DAW1: variants seen among roughly 807,000 people sequenced by gnomAD.
The protein encoded by DAW1 is dynein assembly factor with WD repeat domains 1.
DAW1 carries 47 observed loss-of-function variants against 56.5 expected under a neutral mutation model. The observed-to-expected ratio is 0.83, with a 90% CI of 0.66 to 1.06. The LOEUF is 1.06. DAW1 is among the 50% of genes least tolerant of loss of function. The probability of loss-of-function intolerance (pLI) is 0.00; values close to 1 mark genes in which losing one functional copy is unlikely to be tolerated. For missense variants in DAW1, 505 were observed against 499.3 expected (o/e 1.01, Z -0.11); for synonymous variants, 190 against 179.0 (o/e 1.06, Z -0.49).
intron 10 of DAW1, among the ~76,000 whole-genome samples, chr2:227,915,370 A>T (rs1213609939): frequency 6.6e-6 from 1 of 152,072 alleles, no homozygotes; most frequent in African/African-American, 2.4e-5. Context: ...TCATCAACTT[A>T]AGTACTATGT....
intron 5 of DAW1, among the ~76,000 whole-genome samples, chr2:227,894,128 G>C (rs528044949): frequency 2.6e-5 from 4 of 152,126 alleles, no homozygotes; most frequent in African/African-American, 9.7e-5. Flanking sequence ...AAGGCTGGGC[G>C]TGGTGGCTCA....
chr2:227,906,489 G>A, intron 9 of DAW1, 151 bp downstream of exon 9: 1 of 629,770 alleles, frequency 1.6e-6, no homozygotes, highest in Non-Finnish European at 2.3e-6. Flanking sequence ...AAAATTTCTA[G>A]TTTTGGATTT....
chr2:227,895,338 G>A (rs1405648904), intron 5 of DAW1, among the ~76,000 whole-genome samples: 1 of 152,168 alleles, frequency 6.6e-6, no homozygotes, highest in Non-Finnish European at 1.5e-5. Context: ...AGACAAGCAA[G>A]TATTTTTTCA....
At chr2:227,916,890 C>T (rs1691963340) in intron 10 of DAW1, among the ~76,000 whole-genome samples, 3 of 151,954 alleles carry the variant, frequency 2.0e-5, no homozygotes, top group Admixed American at 2.0e-4. Flanking sequence ...TCTGGATCAT[C>T]TTATTGATGA....
At chr2:227,893,238 C>A (rs1691315303) in intron 4 of DAW1, among the ~76,000 whole-genome samples, 1 of 150,974 alleles carries the variant, frequency 6.6e-6, no homozygotes. Context: ...CCACTGCACT[C>A]CAGCCTGGGT....
At chr2:227,904,076 C>T (rs1035439347) in intron 7 of DAW1, among the ~76,000 whole-genome samples, 16 of 151,836 alleles carry the variant, frequency 1.1e-4, no homozygotes, top group African/African-American at 3.9e-4. Flanking sequence ...ACTAAAATGA[C>T]TCCTTTTACA....
chr2:227,881,905 G>A (rs1334728769), intron 1 of DAW1, among the ~76,000 whole-genome samples: 1 of 151,800 alleles, frequency 6.6e-6, no homozygotes, highest in African/African-American at 2.4e-5. Flanking sequence ...GGTGCCTGCC[G>A]TCATGCCAGC....
At chr2:227,916,963 C>A (rs1166044293) in intron 10 of DAW1, among the ~76,000 whole-genome samples, 1 of 152,162 alleles carries the variant, frequency 6.6e-6, no homozygotes, top group Non-Finnish European at 1.5e-5. Flanking sequence ...TCTGTATAAT[C>A]TCCTTGTCAG....
chr2:227,915,090 G>T lies in DAW1; in HGVS notation c.974-3690G>T, dbSNP rs193237089. Among the ~76,000 whole-genome samples, 432 of 152,012 alleles carry T rather than the reference G, an allele frequency of 2.8e-3. 1 individual carries two copies. Among genetic ancestry groups the T allele is most frequent in the Middle Eastern group, 6.8e-3 (2 of 294 alleles). ...ATCATACCCTTGACAAAAACATATG[G>T]TGCCACACTCTGTCTGCATCATAAT... On this transcript the variant is annotated intron_variant, in intron 10 of 12. Transcript: ENST00000309931.
At chr2:227,873,853 G>A (rs963720874) in intron 1 of DAW1, among the ~76,000 whole-genome samples, 2 of 152,066 alleles carry the variant, frequency 1.3e-5, no homozygotes, top group African/African-American at 4.8e-5. Context: ...GCTAATTTTT[G>A]TATTTTTAGC....
chr2:227,922,880 G>T lies in DAW1; in HGVS notation c.1214-1054G>T, dbSNP rs189692392. Among the ~76,000 whole-genome samples, 7 of 152,292 alleles carry T rather than the reference G, an allele frequency of 4.6e-5. 1 individual carries two copies. In the East Asian group the frequency reaches 1.4e-3, roughly 29 times the overall value. ...AATCCTTCTCCTTGATGAGAAAAGA[G>T]GTGAGGGGCTATGATGGAGGGCACA... On this transcript the variant is annotated intron_variant, in intron 12 of 12. Coordinates refer to ENST00000309931, the MANE Select transcript of DAW1 (RefSeq NM_178821.3).
At chr2:227,877,193 T>G (rs1690901755) in intron 1 of DAW1, among the ~76,000 whole-genome samples, 1 of 152,252 alleles carries the variant, frequency 6.6e-6, no homozygotes, top group Non-Finnish European at 1.5e-5. Context: ...TTATTTTTAT[T>G]TTTGAGACAT....
chr2:227,875,368 C>G (rs1423425360), intron 1 of DAW1, among the ~76,000 whole-genome samples: 1 of 152,178 alleles, frequency 6.6e-6, no homozygotes, highest in Non-Finnish European at 1.5e-5. Context: ...CTCTTCTGCT[C>G]CAGCCCTCCA....
chr2:227,901,846 A>T (rs536541432), intron 6 of DAW1, among the ~76,000 whole-genome samples: 1 of 152,168 alleles, frequency 6.6e-6, no homozygotes, highest in African/African-American at 2.4e-5. Context: ...AAACATATTT[A>T]CAGGCCACTG....
chr2:227,890,524 C>T (rs1691238111), intron 3 of DAW1, among the ~76,000 whole-genome samples: 1 of 151,962 alleles, frequency 6.6e-6, no homozygotes, highest in Admixed American at 6.6e-5. Context: ...TTTGTCATTA[C>T]CTTAGAATTA....
chr2:227,913,123 A>C (rs1691869879), intron 10 of DAW1, among the ~76,000 whole-genome samples: 1 of 152,206 alleles, frequency 6.6e-6, no homozygotes, highest in South Asian at 2.1e-4. Flanking sequence ...TAACAAAGTG[A>C]CATGCAATTT....
intron 8 of DAW1, among the ~76,000 whole-genome samples, chr2:227,905,808 G>A (rs868744092): frequency 6.6e-6 from 1 of 152,250 alleles, no homozygotes; most frequent in Non-Finnish European, 1.5e-5. Flanking sequence ...AGGCTGGAGT[G>A]CAGTGGCGTG....
At chr2:227,917,146 G>A (rs12467907) in intron 10 of DAW1, among the ~76,000 whole-genome samples, 41,709 of 96,110 alleles carry the variant, frequency 0.43, 6,630 homozygotes, top group Middle Eastern at 0.56. Context: ...CTATCTATCT[G>A]TCTGTCTGTC....
intron 4 of DAW1, among the ~76,000 whole-genome samples, chr2:227,892,353 C>T (rs895232965): frequency 6.6e-6 from 1 of 152,026 alleles, no homozygotes; most frequent in Non-Finnish European, 1.5e-5. Flanking sequence ...AGGCTGGTCT[C>T]GAACACCTGA....
Sources: gnomAD v4.1 joint callset for allele counts (sites outside exome capture counted in the v4.1 genomes callset) on GRCh38, gnomAD v4.1.1 for gene constraint, MANE v1.5 for transcripts, NCBI Gene and HGNC (gene_info 2026-07-23, HGNC 2026-07-21) for gene names.